The following TRIM27 variants were observed in gnomAD, a reference collection of about 807,000 sequenced individuals.
TRIM27 encodes the protein tripartite motif containing 27.
In TRIM27, 12 loss-of-function variants were observed where a neutral mutation model predicts 57.6. The observed-to-expected ratio is 0.21, with a 90% CI of 0.13 to 0.34. The LOEUF (loss-of-function observed/expected upper bound fraction) is 0.34. TRIM27 is among the 10% of genes least tolerant of loss of function. The probability of loss-of-function intolerance (pLI) is 1.00; values close to 1 mark genes in which losing one functional copy is unlikely to be tolerated. For missense variants in TRIM27, 403 were observed against 656.8 expected, an observed-to-expected ratio of 0.61 and a Z score of 4.22; for synonymous variants, 266 against 259.0, an observed-to-expected ratio of 1.03 and a Z score of -0.26.
chr6:28,912,591 ATTC>A (rs983235464), intron 3 of TRIM27, among the ~76,000 whole-genome samples: 15 of 152,094 alleles, frequency 9.9e-5, no homozygotes, highest in African/African-American at 3.6e-4. Flanking sequence ...CATAGGTATC[ATTC>A]TTTTCCTTTT....
At chr6:28,919,508 G>A (rs540372060) in intron 3 of TRIM27, among the ~76,000 whole-genome samples, 9 of 152,280 alleles carry the variant, frequency 5.9e-5, no homozygotes, top group South Asian at 2.1e-4. Flanking sequence ...TAGTCTTGCC[G>A]GGGTAGGTCT....
rs1774283476 is a variant in TRIM27, at chr6:28,923,958, G to C, written c.-326C>G. 2 of 357,730 alleles carry C rather than the reference G, an allele frequency of 5.6e-6. No individual in the cohort carries two copies. Among genetic ancestry groups the C allele is most frequent in the African/African-American group, 4.2e-5 (2 of 47,852 alleles). The allele number at this position is 357,730 out of a possible 1,614,324, so 22.2% of individuals were successfully genotyped here. A position where few individuals can be genotyped will look rare whatever the true frequency, so the allele number is the denominator to read the frequency against. ...GCAAAGCGCGCAAGACAACGTGGCCGCGTCCGAGCGGATGCCGGCGGCAGC... is the reference window on the plus strand; with the variant it reads ...GCAAAGCGCGCAAGACAACGTGGCCCCGTCCGAGCGGATGCCGGCGGCAGC... On this transcript the variant is annotated 5_prime_UTR_variant, in exon 1 of 8. Coordinates refer to ENST00000377199, the MANE Select transcript of TRIM27 (RefSeq NM_006510.5).
intron 6 of TRIM27, 67 bp from the exon 7 acceptor site, chr6:28,907,329 G>T: frequency 6.7e-7 from 1 of 1,502,612 alleles, no homozygotes; most frequent in Non-Finnish European, 9.2e-7. Flanking sequence ...AACTAAGGGG[G>T]CTTTGGTTAG....
At chr6:28,916,629 T>C (rs2150482033) in intron 3 of TRIM27, among the ~76,000 whole-genome samples, 1 of 152,000 alleles carries the variant, frequency 6.6e-6, no homozygotes, top group South Asian at 2.1e-4. Flanking sequence ...ATATCTAGAA[T>C]AGACTAATCC....
In TRIM27 at chr6:28,920,076, T is replaced by C; in HGVS notation, c.683A>G (p.His228Arg). 6.2e-7 allele frequency: 1 copy of C among 1,614,090 alleles called. No homozygotes were observed. Among genetic ancestry groups the C allele is most frequent in the Non-Finnish European group, 8.5e-7 (1 of 1,180,000 alleles). The change falls in exon 3 of 8, where the codon CAC becomes CGC. Residue 228 changes from histidine (H) to arginine (R), a missense_variant. His to Arg is a conservative substitution (Grantham distance 29). Transcript: ENST00000377199. ...AITQFSCNIS[H>R]LSSLIAQLEE... ...TAGCTGAGCGATCAGGCTGCTGAGG[T>C]GGGAGATGTTGCAAGAGAACTGGGT... is the stretch of plus-strand genomic sequence containing the variant.
intron 3 of TRIM27, among the ~76,000 whole-genome samples, chr6:28,916,206 C>T (rs12174070): frequency 0.11 from 16,523 of 151,990 alleles, 995 homozygotes; most frequent in African/African-American, 0.14. Flanking sequence ...TGAGCCGCCG[C>T]GCCTGGCCAG....
Position 28,911,678 on chromosome 6 carries a change from G to A in TRIM27, c.770+18C>T. 1 of 1,609,904 alleles carries A rather than the reference G, an allele frequency of 6.2e-7. No homozygotes were observed. Among genetic ancestry groups the A allele is most frequent in the Non-Finnish European group, 8.5e-7 (1 of 1,178,614 alleles). On this transcript the variant is annotated intron_variant, in intron 4 of 7. Coordinates refer to ENST00000377199, the MANE Select transcript of TRIM27 (RefSeq NM_006510.5). The stretch of plus-strand genomic sequence containing the variant: ...CTTCTCATATTTGATTTAACACTAG[G>A]GAAACAGAAAACTATACCTGCTCAA...
intron 3 of TRIM27, among the ~76,000 whole-genome samples, chr6:28,913,277 T>C (rs1773351531): frequency 6.8e-6 from 1 of 146,874 alleles, no homozygotes. Context: ...AAAATATATA[T>C]ATATATATAT....
At chr6:28,922,309 T>C (rs1235249781) in intron 1 of TRIM27, among the ~76,000 whole-genome samples, 2 of 152,092 alleles carry the variant, frequency 1.3e-5, no homozygotes, top group Non-Finnish European at 1.5e-5. Context: ...GTGACTGGAG[T>C]AGGAGGCTTA....
chr6:28,916,752 A>G (rs1370354435), intron 3 of TRIM27, among the ~76,000 whole-genome samples: 1 of 152,124 alleles, frequency 6.6e-6, no homozygotes. Flanking sequence ...GATAATTTAC[A>G]ACACTGTGGA....
chr6:28,909,094 T>G lies in TRIM27; in HGVS notation c.771-6A>C. ...GAATCCTGATTCTTTCAGCCCTAAA[T>G]TTAAAAAACATGAGTAAATTTTTTT... On this transcript the variant is annotated splice_polypyrimidine_tract_variant and splice_region_variant and intron_variant, in intron 4 of 7. Transcript: ENST00000377199. 2.5e-6 allele frequency: 4 copies of G among 1,591,830 alleles called. No individual in the cohort carries two copies. The African/African-American group carries it at 5.4e-5, about 22-fold the overall frequency.
rs138172103 is a variant in TRIM27, at chr6:28,905,108, C to T, written c.947-443G>A. On this transcript the variant is annotated intron_variant, in intron 7 of 7. Transcript: ENST00000377199. ...AATTTTTTGTAGAGATGAGGTCTTA[C>T]TATGTTGCTCAGGATGGTCTCGAAC... 1.6e-3 allele frequency: 260 copies of T among 161,002 alleles called. 2 individuals are homozygous for T. The highest frequency in any genetic ancestry group is 5.9e-3 in the African/African-American group (248 of 41,718). 10.0% of individuals were successfully genotyped at this position (161,002 alleles called of 1,614,324 possible).
intron 3 of TRIM27, among the ~76,000 whole-genome samples, chr6:28,917,577 TA>T (rs9280510): frequency 3.0e-3 from 399 of 131,130 alleles, no homozygotes; most frequent in Middle Eastern, 3.9e-3. Context: ...GAGTATGTCT[TA>T]AAAAAAAAAA....
rs1774263179 is a variant in TRIM27 at position 28,923,801 on chromosome 6, G to A, written c.-169C>T. ...GACGCGCCCGCGCACCGAAGGCTTG[G>A]AGTGGCCGGGCCGATGCCTGCGCCT... On this transcript the variant is annotated 5_prime_UTR_variant, in exon 1 of 8. Transcript: ENST00000377199. The A allele has an allele frequency of 2.8e-6, 2 of 726,046 alleles. No individual in the cohort carries two copies. Among genetic ancestry groups the A allele is most frequent in the Non-Finnish European group, 4.3e-6 (2 of 464,444 alleles). The allele number at this position is 726,046 out of a possible 1,614,324, so 45.0% of individuals were successfully genotyped here. A position where few individuals can be genotyped will look rare whatever the true frequency, so the allele number is the denominator to read the frequency against.
At chr6:28,914,973 AT>A (rs1773496575) in intron 3 of TRIM27, 1 of 151,508 alleles carries the variant, frequency 6.6e-6, no homozygotes, top group Non-Finnish European at 1.5e-5. Flanking sequence ...AAGGCTGCTG[AT>A]TTCTGTATGT....
intron 3 of TRIM27, among the ~76,000 whole-genome samples, chr6:28,916,178 G>A (rs911170952): frequency 2.0e-5 from 3 of 152,076 alleles, no homozygotes; most frequent in African/African-American, 7.2e-5. Context: ...GCCTCCTGAA[G>A]TGCTGGGATT....
chr6:28,912,602 T>A (rs1399444720), intron 3 of TRIM27, among the ~76,000 whole-genome samples: 1 of 152,210 alleles, frequency 6.6e-6, no homozygotes, highest in Non-Finnish European at 1.5e-5. Context: ...TTCTTTTCCT[T>A]TTTTTAACTT....
chr6:28,918,861 G>C (rs1773813977), intron 3 of TRIM27, among the ~76,000 whole-genome samples: 2 of 151,638 alleles, frequency 1.3e-5, no homozygotes, highest in South Asian at 4.2e-4. Context: ...GGGCAACAGA[G>C]CAAGACTCAA....
intron 2 of TRIM27, among the ~76,000 whole-genome samples, chr6:28,921,163 C>T (rs1376527203): frequency 6.6e-6 from 1 of 152,042 alleles, no homozygotes; most frequent in Non-Finnish European, 1.5e-5. Flanking sequence ...GGCGGATCAC[C>T]TGAGGTCGGG....
Sources: allele counts gnomAD v4.1 joint callset (sites outside exome capture counted in the v4.1 genomes callset), GRCh38; gene constraint gnomAD v4.1.1; transcripts MANE v1.5; gene names NCBI Gene and HGNC (gene_info 2026-07-23, HGNC 2026-07-21).